RALA: variants seen among roughly 807,000 people sequenced by gnomAD.
RALA encodes the protein ras-related protein Ral-A.
A neutral mutation model predicts 24.0 loss-of-function variants in RALA; 5 were observed. The ratio of observed to expected loss-of-function variants is 0.21; its 90% CI spans 0.11 to 0.44. The LOEUF (loss-of-function observed/expected upper bound fraction) is 0.44, where lower values mean the gene tolerates loss of function less well. RALA is among the 20% of genes least tolerant of loss of function. The probability of loss-of-function intolerance (pLI) is 0.99; values close to 1 mark genes in which losing one functional copy is unlikely to be tolerated. For missense variants in RALA, 95 were observed against 241.2 expected, an observed-to-expected ratio of 0.39 and a Z score of 4.01; for synonymous variants, 77 against 83.8, an observed-to-expected ratio of 0.92 and a Z score of 0.44.
At chr7:39,682,937 G>A (rs1164759575) in intron 1 of RALA, among the ~76,000 whole-genome samples, 2 of 152,186 alleles carry the variant, frequency 1.3e-5, no homozygotes, top group East Asian at 1.9e-4. Context: ...ACTGCACCTG[G>A]CCATGTGTTG....
At chr7:39,637,278 T>G (rs1791698098) in intron 1 of RALA, among the ~76,000 whole-genome samples, 1 of 152,118 alleles carries the variant, frequency 6.6e-6, no homozygotes, top group Non-Finnish European at 1.5e-5. Context: ...GTACAAAGTG[T>G]GACTAATTTT....
In RALA at chr7:39,633,836, ATG is replaced by A. The variant is rs1791640969; in HGVS notation, c.-38+10013_-38+10014del. On this transcript the variant is annotated intron_variant, in intron 1 of 4. Coordinates refer to ENST00000005257, the MANE Select transcript of RALA (RefSeq NM_005402.4). Reference sequence around the variant, plus strand: ...CAGGTGTTGGCCCAGCATCCTGCACATGTTCCATCCACATGGCAGTGATGGTC... The same window carrying A: ...CAGGTGTTGGCCCAGCATCCTGCACATTCCATCCACATGGCAGTGATGGTC... Among the ~76,000 whole-genome samples the A allele has an allele frequency of 2.0e-5, 3 of 152,292 alleles. No homozygotes were observed. In the South Asian group the frequency reaches 6.2e-4, roughly 32 times the overall value.
intron 1 of RALA, among the ~76,000 whole-genome samples, chr7:39,676,199 T>A (rs1031167890): frequency 6.6e-6 from 1 of 152,158 alleles, no homozygotes; most frequent in Non-Finnish European, 1.5e-5. Context: ...ATGGTCTCGA[T>A]CTCCTGACCT....
intron 1 of RALA, among the ~76,000 whole-genome samples, chr7:39,666,303 A>G (rs973689890): frequency 5.3e-5 from 8 of 152,192 alleles, no homozygotes; most frequent in Admixed American, 2.0e-4. Flanking sequence ...TGTTACTTTT[A>G]TAGTCATGAA....
intron 1 of RALA, among the ~76,000 whole-genome samples, chr7:39,643,154 C>T (rs1791850221): frequency 6.6e-6 from 1 of 152,140 alleles, no homozygotes; most frequent in Admixed American, 6.6e-5. Context: ...AAACTTAAGA[C>T]TATACCATTA....
chr7:39,641,726 G>A (rs1423154752), intron 1 of RALA, among the ~76,000 whole-genome samples: 3 of 151,986 alleles, frequency 2.0e-5, no homozygotes, highest in African/African-American at 7.3e-5. Flanking sequence ...CATGATGTTG[G>A]GTATATGATG....
At chr7:39,647,188 A>G (rs1251062277) in intron 1 of RALA, among the ~76,000 whole-genome samples, 1 of 152,148 alleles carries the variant, frequency 6.6e-6, no homozygotes, top group Non-Finnish European at 1.5e-5. Context: ...GACTACAGGC[A>G]TGTGCCAGCA....
At chr7:39,666,535 T>C (rs1792289410) in intron 1 of RALA, among the ~76,000 whole-genome samples, 1 of 152,244 alleles carries the variant, frequency 6.6e-6, no homozygotes, top group African/African-American at 2.4e-5. Context: ...AAAGGGATTC[T>C]TTAAATTTAA....
chr7:39,695,625 A>G (rs995016450), intron 3 of RALA, among the ~76,000 whole-genome samples: 1 of 151,974 alleles, frequency 6.6e-6, no homozygotes, highest in Non-Finnish European at 1.5e-5. Flanking sequence ...GCTGGTATTG[A>G]ACTCCTAGCC....
intron 1 of RALA, among the ~76,000 whole-genome samples, chr7:39,655,982 A>G (rs1792090044): frequency 6.6e-6 from 1 of 152,220 alleles, no homozygotes; most frequent in Non-Finnish European, 1.5e-5. Context: ...GCTGAGTTAA[A>G]CTAATTTCAC....
chr7:39,630,892 G>T (rs1181024062), intron 1 of RALA, among the ~76,000 whole-genome samples: 1 of 152,098 alleles, frequency 6.6e-6, no homozygotes, highest in Admixed American at 6.5e-5. Context: ...TTAATGTTTG[G>T]TAGGGCTAGT....
chr7:39,688,691 A>G (rs923847173), intron 2 of RALA, among the ~76,000 whole-genome samples: 1 of 151,208 alleles, frequency 6.6e-6, no homozygotes, highest in Non-Finnish European at 1.5e-5. Context: ...CTCCCATTTC[A>G]GCCTTCCAAG....
intron 1 of RALA, among the ~76,000 whole-genome samples, chr7:39,669,656 A>C (rs1221343999): frequency 2.6e-5 from 4 of 152,126 alleles, no homozygotes; most frequent in African/African-American, 9.7e-5. Context: ...TACAAAAAAA[A>C]TAGAAAAAAA....
At chr7:39,685,519 T>G (rs1347123168) in intron 1 of RALA, among the ~76,000 whole-genome samples, 1 of 151,986 alleles carries the variant, frequency 6.6e-6, no homozygotes, top group Non-Finnish European at 1.5e-5. Flanking sequence ...TCCACACACG[T>G]TCAGAGTGTT....
chr7:39,628,961 CTT>C (rs1791545802), intron 1 of RALA, among the ~76,000 whole-genome samples: 1 of 152,218 alleles, frequency 6.6e-6, no homozygotes, highest in Non-Finnish European at 1.5e-5. Flanking sequence ...AAATCAGTAA[CTT>C]TCATTCTTAA....
chr7:39,665,919 T>A (rs1177538797), intron 1 of RALA, among the ~76,000 whole-genome samples: 1 of 152,074 alleles, frequency 6.6e-6, no homozygotes, highest in Non-Finnish European at 1.5e-5. Context: ...TTGATATGGC[T>A]CAATTTTCTC....
chr7:39,692,041 A>G (rs1220645809), intron 3 of RALA, among the ~76,000 whole-genome samples: 1 of 152,194 alleles, frequency 6.6e-6, no homozygotes, highest in Non-Finnish European at 1.5e-5. Context: ...CGTACCTCCA[A>G]TGCCTCTGCC....
intron 1 of RALA, among the ~76,000 whole-genome samples, chr7:39,648,096 A>C (rs886158029): frequency 6.6e-6 from 1 of 152,196 alleles, no homozygotes; most frequent in Admixed American, 6.5e-5. Flanking sequence ...ACCTTTATAG[A>C]GGCTGTCATC....
At position 39,706,268 on chromosome 7, in the gene RALA, A is replaced by G. The variant is rs1196966269; in HGVS notation, c.*23A>G. 1.9e-6 allele frequency: 3 copies of G among 1,590,938 alleles called. No individual in the cohort carries two copies. The highest frequency in any genetic ancestry group is 1.7e-6 in the Non-Finnish European group (2 of 1,172,306). ...TAATCAAAGCCCAAACTCCTTTCTT[A>G]TCTTGACCATACTAATAAATATAAT... On this transcript the variant is annotated 3_prime_UTR_variant, in exon 5 of 5. Transcript: ENST00000005257.
Sources: allele counts gnomAD v4.1 joint callset (sites outside exome capture counted in the v4.1 genomes callset), GRCh38; gene constraint gnomAD v4.1.1; transcripts MANE v1.5; gene names NCBI Gene and HGNC (gene_info 2026-07-23, HGNC 2026-07-21).